RSPH14: variants seen among roughly 807,000 people sequenced by gnomAD.
The protein encoded by RSPH14 is radial spoke head 14 homolog.
A neutral mutation model predicts 26.7 loss-of-function variants in RSPH14; 20 were observed. The observed-to-expected ratio is 0.75, with a 90% CI of 0.53 to 1.09. The LOEUF (loss-of-function observed/expected upper bound fraction) is 1.09. Ranked by LOEUF, RSPH14 falls within the 50% of genes least tolerant of loss-of-function variation. The pLI is 0.00. For synonymous variants in RSPH14, 177 were observed against 189.3 expected (o/e 0.93, Z 0.53); for missense variants, 449 against 457.2 (o/e 0.98, Z 0.16).
chr22:23,157,405 C>T, the RSPH14 span, among the ~76,000 whole-genome samples: 1 of 152,208 alleles, frequency 6.6e-6, no homozygotes, highest in African/African-American at 2.4e-5. Context: ...TGCCGGCTAC[C>T]ACACCCAGCT....
At chr22:23,175,704 G>A in the RSPH14 span, among the ~76,000 whole-genome samples, 1 of 152,234 alleles carries the variant, frequency 6.6e-6, no homozygotes, top group Non-Finnish European at 1.5e-5. Flanking sequence ...AGCCCTTGGT[G>A]AAGCCCCCTC....
the RSPH14 span, among the ~76,000 whole-genome samples, chr22:23,150,854 T>C: frequency 6.6e-6 from 1 of 152,162 alleles, no homozygotes; most frequent in Non-Finnish European, 1.5e-5. Flanking sequence ...GTACCCCTCC[T>C]GGGTGCTCTT....
chr22:23,103,614 C>G (rs145775678), intron 4 of RSPH14, among the ~76,000 whole-genome samples: 110 of 152,302 alleles, frequency 7.2e-4, no homozygotes, highest in African/African-American at 2.6e-3. Flanking sequence ...TTAAGAGAAT[C>G]CTACTCCACA....
At chr22:23,127,470 G>C (rs1435326042) in intron 4 of RSPH14, among the ~76,000 whole-genome samples, 6 of 152,220 alleles carry the variant, frequency 3.9e-5, no homozygotes, top group Non-Finnish European at 7.3e-5. Context: ...TGCTCCTCTA[G>C]GGCAGCTGGC....
At chr22:23,180,570 A>AGGCGGCGGC in the RSPH14 span, 1,820 of 108,994 alleles carry the variant, frequency 0.017, 26 homozygotes, top group Non-Finnish European at 0.022. Flanking sequence ...GCGTCCGAGG[A>AGGCGGCGGC]GGCGGCGGCG....
At chr22:23,063,315 G>C (rs191660378) in intron 5 of RSPH14, among the ~76,000 whole-genome samples, 102 of 152,336 alleles carry the variant, frequency 6.7e-4, no homozygotes, top group African/African-American at 2.4e-3. Flanking sequence ...AAGAGACATA[G>C]CCACAGCTAA....
chr22:23,059,812 G>T lies in RSPH14; in HGVS notation c.791-94C>A, dbSNP rs991815768. 3 of 1,360,956 alleles carry T rather than the reference G, an allele frequency of 2.2e-6. No homozygotes were observed. The African/African-American group carries it at 4.3e-5, about 20-fold the overall frequency. The allele number at this position is 1,360,956 out of a possible 1,614,324, so 84.3% of individuals were successfully genotyped here. On this transcript the variant is annotated intron_variant, in intron 6 of 6. Transcript: ENST00000216036. ...GCCCTCTCCTGACCCTCCTCCTTGT[G>T]CAGTCTCAAGGGGTTTATGCCTGGT...
At chr22:23,082,286 G>C (rs958385002) in intron 4 of RSPH14, among the ~76,000 whole-genome samples, 10 of 150,412 alleles carry the variant, frequency 6.6e-5, no homozygotes, top group Non-Finnish European at 1.2e-4. Flanking sequence ...GCGCGATCTC[G>C]GCTCACTGCA....
At chr22:23,161,376 A>G in the RSPH14 span, 1 of 900,348 alleles carries the variant, frequency 1.1e-6, no homozygotes, top group Non-Finnish European at 1.8e-6. Context: ...CAGGCCATTC[A>G]GGCCTTGAAC....
At chr22:23,131,707 G>A in intron 4 of RSPH14, 1 of 1,146,598 alleles carries the variant, frequency 8.7e-7, no homozygotes, top group Non-Finnish European at 1.2e-6. Context: ...CATTAATTTA[G>A]CTCAACCCAG....
chr22:23,160,706 T>C, the RSPH14 span, among the ~76,000 whole-genome samples: 2 of 152,138 alleles, frequency 1.3e-5, no homozygotes, highest in Non-Finnish European at 2.9e-5. Flanking sequence ...GGCACTGTGC[T>C]GCCTGTGTGA....
chr22:23,102,326 A>C (rs150839269), intron 4 of RSPH14, among the ~76,000 whole-genome samples: 172 of 152,270 alleles, frequency 1.1e-3, no homozygotes, highest in Middle Eastern at 3.4e-3. Context: ...GGAGGGGTGG[A>C]GAAGGCAGCA....
chr22:23,103,906 C>G (rs2069379499), intron 4 of RSPH14, among the ~76,000 whole-genome samples: 1 of 152,228 alleles, frequency 6.6e-6, no homozygotes, highest in African/African-American at 2.4e-5. Context: ...TGGCCGCATG[C>G]TCTCTGTGAC....
chr22:23,111,913 TCA>T (rs1416763152), intron 4 of RSPH14, among the ~76,000 whole-genome samples: 2 of 152,304 alleles, frequency 1.3e-5, no homozygotes, highest in Non-Finnish European at 2.9e-5. Flanking sequence ...AGGTGTCTGA[TCA>T]CAGAGTGTGT....
chr22:23,161,664 G>A, the RSPH14 span: 33 of 1,091,574 alleles, frequency 3.0e-5, no homozygotes, highest in African/African-American at 1.4e-4. Flanking sequence ...GCAGCGTGTC[G>A]CCCTCAAGCT....
chr22:23,153,082 GACTTTGAAATTGAGC>G, the RSPH14 span: 2 of 1,614,152 alleles, frequency 1.2e-6, no homozygotes, highest in East Asian at 4.5e-5. Flanking sequence ...CATTGGGGTG[GACTTTGAAATTGAGC>G]GCTTTGAGAT....
upstream of RSPH14, among the ~76,000 whole-genome samples, chr22:23,144,025 G>A (rs370431985): frequency 6.3e-4 from 92 of 146,782 alleles, no homozygotes; most frequent in Admixed American, 6.1e-4. Context: ...GCCGGGAGGC[G>A]GAGATTGCAG....
the RSPH14 span, among the ~76,000 whole-genome samples, chr22:23,168,919 G>C: frequency 6.6e-6 from 1 of 152,190 alleles, no homozygotes; most frequent in African/African-American, 2.4e-5. Context: ...CCTAGCCTGA[G>C]GGTACACTAG....
the RSPH14 span, among the ~76,000 whole-genome samples, chr22:23,156,672 G>C: frequency 6.6e-6 from 1 of 152,234 alleles, no homozygotes; most frequent in Non-Finnish European, 1.5e-5. Flanking sequence ...ATGTCTACTC[G>C]GTAGTGGTGA....
Sources: gnomAD v4.1 joint callset for allele counts (sites outside exome capture counted in the v4.1 genomes callset) on GRCh38, gnomAD v4.1.1 for gene constraint, MANE v1.5 for transcripts, NCBI Gene and HGNC (gene_info 2026-07-23, HGNC 2026-07-21) for gene names.